Variants in KIF13A observed in about 807,000 individuals in gnomAD.
KIF13A encodes kinesin family member 13A.
A neutral mutation model predicts 212.2 loss-of-function variants in KIF13A; 79 were observed. The ratio of observed to expected loss-of-function variants is 0.37; its 90% confidence interval spans 0.31 to 0.45. The LOEUF (loss-of-function observed/expected upper bound fraction) is 0.45, where lower values mean the gene tolerates loss of function less well. Ranked by LOEUF, KIF13A falls within the 20% of genes least tolerant of loss-of-function variation. The pLI is 1.00. For missense variants in KIF13A, 1,901 were observed against 2,209.0 expected (o/e 0.86, Z 2.79); for synonymous variants, 789 against 808.6 (o/e 0.98, Z 0.41).
Position 17,850,256 on chromosome 6 carries a change from CT to C in KIF13A, c.717+66del. ...AGCCACTGAACCCAACCATGAAAGA[CT>C]TTACCTATATGGACACTTTCAGTTC... On this transcript the variant is annotated intron_variant, in intron 8 of 38. Transcript: ENST00000259711. This position sits in a 1 kb window ranked among gnomAD's most constrained non-coding sequence, Gnocchi z 6.2. 1 of 1,479,484 alleles carries C rather than the reference CT, an allele frequency of 6.8e-7. No homozygotes were observed. Among genetic ancestry groups the C allele is most frequent in the Non-Finnish European group, 9.1e-7 (1 of 1,101,758 alleles). 91.6% of individuals were successfully genotyped at this position (1,479,484 alleles called of 1,614,324 possible). A position where few individuals can be genotyped will look rare whatever the true frequency, so the allele number is the denominator to read the frequency against.
chr6:17,917,299 G>A (rs1415113699), intron 2 of KIF13A, among the ~76,000 whole-genome samples: 2 of 142,822 alleles, frequency 1.4e-5, no homozygotes, highest in East Asian at 2.1e-4. Flanking sequence ...GGAGTACAGT[G>A]GCACGACCTC....
Position 17,839,329 on chromosome 6 carries a change from C to A in KIF13A, c.831-1746G>T, listed in dbSNP as rs958681851. Among the ~76,000 whole-genome samples the A allele has an allele frequency of 2.6e-5, 4 of 152,158 alleles. No homozygotes were observed. The highest frequency in any genetic ancestry group is 9.7e-5 in the African/African-American group (4 of 41,438). On this transcript the variant is annotated intron_variant, in intron 9 of 38. Coordinates refer to ENST00000259711, the MANE Select transcript of KIF13A (RefSeq NM_022113.6). This position sits in a 1 kb window ranked among gnomAD's most constrained non-coding sequence, Gnocchi z 4.3. ...AGAGAAGTGAAAACATAAGTCTACACAGAAACTTGTACATGAATATTCAAA... is the reference window on the plus strand; with the variant it reads ...AGAGAAGTGAAAACATAAGTCTACAAAGAAACTTGTACATGAATATTCAAA...
intron 38 of KIF13A, among the ~76,000 whole-genome samples, chr6:17,765,850 C>T (rs746688101): frequency 2.2e-4 from 34 of 152,168 alleles, no homozygotes; most frequent in Non-Finnish European, 3.8e-4. Flanking sequence ...CTAATGAAAT[C>T]GCAAATATTC....
At chr6:17,793,051 C>T (rs1379271056) in intron 25 of KIF13A, among the ~76,000 whole-genome samples, 2 of 152,050 alleles carry the variant, frequency 1.3e-5, no homozygotes, top group African/African-American at 2.4e-5. Context: ...GAAGCACACA[C>T]ATTTTTTTTT....
intron 2 of KIF13A, among the ~76,000 whole-genome samples, chr6:17,977,595 G>A (rs1780686885): frequency 1.3e-5 from 2 of 152,144 alleles, no homozygotes; most frequent in African/African-American, 4.8e-5. Context: ...AATGTAAGTG[G>A]GAGAAAAGCA....
At chr6:17,805,417 C>A in intron 19 of KIF13A, 58 bp downstream of exon 19, 4 of 1,289,906 alleles carry the variant, frequency 3.1e-6, no homozygotes, top group South Asian at 1.2e-5. Flanking sequence ...GTTGCTAAAT[C>A]GCTTATATTC....
chr6:17,906,843 G>A (rs999138922), intron 2 of KIF13A, among the ~76,000 whole-genome samples: 2 of 152,178 alleles, frequency 1.3e-5, no homozygotes, highest in African/African-American at 2.4e-5. Flanking sequence ...GAATTGGGTA[G>A]AGAAGGAAGT....
chr6:17,968,544 AT>A lies in KIF13A; in HGVS notation c.146+18509del, dbSNP rs1749984039. 6.6e-6 allele frequency among the ~76,000 whole-genome samples: 1 copy of A among 152,062 alleles called. No individual in the cohort carries two copies. The highest frequency in any genetic ancestry group is 2.4e-5 in the African/African-American group (1 of 41,400). On this transcript the variant is annotated intron_variant, in intron 2 of 38. Coordinates refer to ENST00000259711, the MANE Select transcript of KIF13A (RefSeq NM_022113.6). The surrounding 1 kb of genome is among the most constrained non-coding windows in gnomAD (Gnocchi z 4.7). ...TCCCGACCTCACAACTTTGCCTAGG[AT>A]AGAATTCTCTTCCACTAGTTACCTG...
At chr6:17,780,671 G>C (rs1760484272) in intron 31 of KIF13A, 59 bp downstream of exon 31, 2 of 1,514,790 alleles carry the variant, frequency 1.3e-6, no homozygotes, top group Admixed American at 3.5e-5. Flanking sequence ...TTGTGATAGA[G>C]AGAGGGAAAA....
intron 2 of KIF13A, among the ~76,000 whole-genome samples, chr6:17,920,367 A>G (rs944032416): frequency 6.6e-6 from 1 of 152,210 alleles, no homozygotes. Flanking sequence ...TTCTTTTACA[A>G]TCATCAAGGA....
intron 2 of KIF13A, among the ~76,000 whole-genome samples, chr6:17,974,941 A>T (rs79117758): frequency 1.3e-5 from 2 of 152,236 alleles, no homozygotes; most frequent in African/African-American, 4.8e-5. Context: ...AAGATATAGC[A>T]TATTTCCATC....
In KIF13A at chr6:17,787,712, G is replaced by T; in HGVS notation, c.3361+64C>A. 4 of 917,398 alleles carry T rather than the reference G, an allele frequency of 4.4e-6. No homozygotes were observed. The highest frequency in any genetic ancestry group is 2.6e-5 in the South Asian group (2 of 75,514). The allele number at this position is 917,398 out of a possible 1,614,324, so 56.8% of individuals were successfully genotyped here. On this transcript the variant is annotated intron_variant, in intron 27 of 38. Coordinates refer to ENST00000259711, the MANE Select transcript of KIF13A (RefSeq NM_022113.6). This position sits in a 1 kb window ranked among gnomAD's most constrained non-coding sequence, Gnocchi z 4.6. ...TACTGTCCAGTTAGGGGAAGAAAAC[G>T]ACCTACTGCCATTGTGTAAAAGTGA...
intron 2 of KIF13A, among the ~76,000 whole-genome samples, chr6:17,943,928 C>A (rs1198561736): frequency 6.6e-6 from 1 of 152,118 alleles, no homozygotes; most frequent in African/African-American, 2.4e-5. Context: ...CAGAAAGCCT[C>A]AACCACATTA....
At position 17,926,031 on chromosome 6, in the gene KIF13A, G is replaced by A. The variant is rs1253816001; in HGVS notation, c.147-27851C>T. On this transcript the variant is annotated intron_variant, in intron 2 of 38. Transcript: ENST00000259711. The surrounding 1 kb of genome is among the most constrained non-coding windows in gnomAD (Gnocchi z 4.3). ...GCCCACAGCACCAGAAGAGGCAGCT[G>A]TATCTATGATGCTCTTATGTAAAAT... is the stretch of plus-strand genomic sequence containing the variant. Among the ~76,000 whole-genome samples the A allele has an allele frequency of 6.6e-6, 1 of 152,152 alleles. No homozygotes were observed.
Position 17,855,696 on chromosome 6 carries a change from A to G in KIF13A, c.314-79T>C. ...TGCTTCAACCATACAAGGTTTCCCC[A>G]TATACTGGCCATGGTAACATAGCAG... On this transcript the variant is annotated intron_variant, in intron 5 of 38. Coordinates refer to ENST00000259711, the MANE Select transcript of KIF13A (RefSeq NM_022113.6). This position sits in a 1 kb window ranked among gnomAD's most constrained non-coding sequence, Gnocchi z 4.1. The G allele has an allele frequency of 2.6e-6, 3 of 1,155,596 alleles. No individual in the cohort carries two copies. Among genetic ancestry groups the G allele is most frequent in the Non-Finnish European group, 2.4e-6 (2 of 823,312 alleles). 71.6% of individuals were successfully genotyped at this position (1,155,596 alleles called of 1,614,324 possible).
chr6:17,808,963 C>G (rs1170862769), intron 17 of KIF13A, 33 bp from the exon 18 acceptor site: 1 of 1,540,462 alleles, frequency 6.5e-7, no homozygotes, highest in Non-Finnish European at 8.7e-7. Context: ...ACGAGAAAAT[C>G]TAAAGGAAAA....
intron 2 of KIF13A, among the ~76,000 whole-genome samples, chr6:17,909,994 C>A (rs9396815): frequency 3.3e-5 from 5 of 152,186 alleles, no homozygotes; most frequent in Non-Finnish European, 7.4e-5. Context: ...TTAATTTCTT[C>A]AGAAAAGAGC....
intron 18 of KIF13A, among the ~76,000 whole-genome samples, chr6:17,806,336 G>A (rs76143396): frequency 0.013 from 1,955 of 152,142 alleles, 40 homozygotes; most frequent in African/African-American, 0.042. Flanking sequence ...CTGTTTCAAG[G>A]TTTTGCTATT....
chr6:17,812,921 A>T (rs528119668), intron 17 of KIF13A, among the ~76,000 whole-genome samples: 1 of 152,274 alleles, frequency 6.6e-6, no homozygotes, highest in African/African-American at 2.4e-5. Context: ...GCATTTCCCT[A>T]GTCATTGGTG....
Sources: allele counts gnomAD v4.1 joint callset (sites outside exome capture counted in the v4.1 genomes callset), GRCh38; gene constraint gnomAD v4.1.1; non-coding constraint Gnocchi (gnomAD v3.1); transcripts MANE v1.5; gene names NCBI Gene and HGNC (gene_info 2026-07-23, HGNC 2026-07-21).